Variants in GRAMD2B observed in about 807,000 individuals in gnomAD.
GRAMD2B encodes GRAM domain containing 2B.
A neutral mutation model predicts 59.2 loss-of-function variants in GRAMD2B; 41 were observed. The observed-to-expected ratio is 0.69, with a 90% CI of 0.54 to 0.90. GRAMD2B has a LOEUF of 0.90. Among genes scored for constraint, GRAMD2B ranks in the 40% least tolerant of loss-of-function variants. The pLI, the probability that GRAMD2B is intolerant of heterozygous loss-of-function variation, is 0.00. For missense variants in GRAMD2B, 424 were observed against 500.5 expected (o/e 0.85, Z 1.46); for synonymous variants, 161 against 182.7 (o/e 0.88, Z 0.96).
chr5:126,370,261 T>G (rs1051275491), upstream of GRAMD2B, among the ~76,000 whole-genome samples: 3 of 152,344 alleles, frequency 2.0e-5, no homozygotes, highest in African/African-American at 7.2e-5. Context: ...CAATACAGCA[T>G]GTAGAGCAGC....
At chr5:126,386,163 T>C (rs552776684) in intron 1 of GRAMD2B, among the ~76,000 whole-genome samples, 26 of 152,354 alleles carry the variant, frequency 1.7e-4, no homozygotes, top group African/African-American at 5.8e-4. Flanking sequence ...GCTGATTTAG[T>C]AGTGACTCTT....
intron 8 of GRAMD2B, 76 bp downstream of exon 8, chr5:126,480,783 G>T: frequency 7.4e-7 from 1 of 1,348,384 alleles, no homozygotes; most frequent in South Asian, 1.2e-5. Flanking sequence ...CTTACACCAT[G>T]ACCAGGGTGT....
chr5:126,371,574 A>T, intron 1 of GRAMD2B: 7 of 1,286,816 alleles, frequency 5.4e-6, no homozygotes, highest in Non-Finnish European at 7.1e-6. Context: ...TCAGGTGGGT[A>T]CAGCCTGGGC....
chr5:126,405,872 A>G (rs1758223088), intron 1 of GRAMD2B, among the ~76,000 whole-genome samples: 1 of 151,934 alleles, frequency 6.6e-6, no homozygotes, highest in Non-Finnish European at 1.5e-5. Context: ...GATATGGCCT[A>G]GGAGGTTTTC....
intron 1 of GRAMD2B, among the ~76,000 whole-genome samples, chr5:126,388,656 T>C (rs1171513573): frequency 6.6e-6 from 1 of 151,428 alleles, no homozygotes; most frequent in African/African-American, 2.4e-5. Flanking sequence ...TCACGTTGTA[T>C]AAGCCATGTA....
chr5:126,411,038 C>T (rs1270633729), intron 1 of GRAMD2B, among the ~76,000 whole-genome samples: 4 of 151,890 alleles, frequency 2.6e-5, no homozygotes, highest in Non-Finnish European at 2.9e-5. Context: ...AGTTTGTGAG[C>T]ATTTTCTCCC....
intron 1 of GRAMD2B, among the ~76,000 whole-genome samples, chr5:126,383,115 C>T (rs10078818): frequency 0.025 from 3,753 of 152,270 alleles, 71 homozygotes; most frequent in Non-Finnish European, 0.036. Flanking sequence ...GTGAAGTAAA[C>T]TCCGTGACTT....
At chr5:126,436,907 G>A (rs1313711186) in intron 1 of GRAMD2B, among the ~76,000 whole-genome samples, 1 of 152,170 alleles carries the variant, frequency 6.6e-6, no homozygotes, top group Non-Finnish European at 1.5e-5. Flanking sequence ...ACTGGAAAAA[G>A]TAGCCTAAAA....
intron 1 of GRAMD2B, among the ~76,000 whole-genome samples, chr5:126,457,174 A>AGT (rs1251078281): frequency 7.7e-6 from 1 of 129,378 alleles, no homozygotes; most frequent in Non-Finnish European, 1.6e-5. Context: ...CAGAGGCGAC[A>AGT]GTGCGAGACT....
chr5:126,386,429 C>A (rs2149711290), intron 1 of GRAMD2B, among the ~76,000 whole-genome samples: 1 of 152,292 alleles, frequency 6.6e-6, no homozygotes, highest in Admixed American at 6.5e-5. Flanking sequence ...CAAATCCTAG[C>A]CTCTTAAACA....
chr5:126,431,051 C>T (rs75553030), intron 1 of GRAMD2B, among the ~76,000 whole-genome samples: 5,930 of 152,110 alleles, frequency 0.039, 407 homozygotes, highest in African/African-American at 0.13. Flanking sequence ...AAATGAAAAA[C>T]GGAGGCCTTC....
chr5:126,475,736 G>A (rs1353896507), intron 5 of GRAMD2B, among the ~76,000 whole-genome samples: 4 of 152,002 alleles, frequency 2.6e-5, no homozygotes, highest in Non-Finnish European at 4.4e-5. Flanking sequence ...AGGCCAAGGC[G>A]GGCGGATCAC....
At chr5:126,375,389 G>T (rs1376968304) in intron 1 of GRAMD2B, among the ~76,000 whole-genome samples, 15 of 149,324 alleles carry the variant, frequency 1.0e-4, no homozygotes. Context: ...TTTTTTTCGA[G>T]ATGGAGTCTC....
intron 6 of GRAMD2B, 56 bp downstream of exon 6, chr5:126,477,843 G>A: frequency 9.9e-7 from 1 of 1,005,758 alleles, no homozygotes; most frequent in Non-Finnish European, 1.6e-6. Flanking sequence ...TCTGGGCTCT[G>A]CTGCCTAAGG....
upstream of GRAMD2B, among the ~76,000 whole-genome samples, chr5:126,420,271 A>G (rs769871388): frequency 3.3e-5 from 5 of 152,138 alleles, no homozygotes; most frequent in Non-Finnish European, 7.4e-5. Context: ...ATTTTGTCAC[A>G]TGGCAATGAC....
chr5:126,479,403 A>G (rs1771283330), intron 6 of GRAMD2B, among the ~76,000 whole-genome samples: 1 of 152,208 alleles, frequency 6.6e-6, no homozygotes, highest in East Asian at 1.9e-4. Flanking sequence ...GGAAAGATAA[A>G]AGAGACCATT....
At chr5:126,458,445 A>C (rs1255175814) in intron 1 of GRAMD2B, among the ~76,000 whole-genome samples, 1 of 142,334 alleles carries the variant, frequency 7.0e-6, no homozygotes, top group East Asian at 2.3e-4. Context: ...ATCTCAAAAC[A>C]AAAAAAAAAA....
chr5:126,480,263 G>C, intron 6 of GRAMD2B, 193 bp from the exon 7 acceptor site: 1 of 545,082 alleles, frequency 1.8e-6, no homozygotes, highest in Non-Finnish European at 3.2e-6. Flanking sequence ...TTGCTTTTAT[G>C]GGAGAATGTT....
intron 13 of GRAMD2B, among the ~76,000 whole-genome samples, chr5:126,489,535 A>T (rs1284946276): frequency 2.6e-5 from 4 of 152,196 alleles, no homozygotes; most frequent in African/African-American, 9.7e-5. Flanking sequence ...TCTCTGCTTT[A>T]CTGTTCCTCA....
Sources: allele counts gnomAD v4.1 joint callset (sites outside exome capture counted in the v4.1 genomes callset), GRCh38; gene constraint gnomAD v4.1.1; transcripts MANE v1.5; gene names NCBI Gene and HGNC (gene_info 2026-07-23, HGNC 2026-07-21).